The following COL3A1 variants were observed in gnomAD, a reference collection of about 807,000 sequenced individuals.
COL3A1 encodes the protein collagen type III alpha 1 chain.
Under a neutral mutation model 200.9 loss-of-function variants are expected in COL3A1, and 46 were observed. That is an observed-to-expected ratio of 0.23 (90% confidence interval 0.18 to 0.29). The LOEUF (loss-of-function observed/expected upper bound fraction) is 0.29. COL3A1 is among the 10% of genes least tolerant of loss of function. COL3A1 has a pLI of 1.00. For synonymous variants in COL3A1, 650 were observed against 628.0 expected, an observed-to-expected ratio of 1.03 and a Z score of -0.52; for missense variants, 1,367 against 1,917.6, an observed-to-expected ratio of 0.71 and a Z score of 5.36.
chr2:188,997,199 C>T lies in COL3A1; in HGVS notation c.1796C>T (p.Pro599Leu). Residue 599 changes from proline (P) to leucine (L), a missense_variant, in exon 25 of 51, where the codon CCT becomes CTT. Coordinates refer to ENST00000304636, the MANE Select transcript of COL3A1 (RefSeq NM_000090.4). ...GGTAAGAATGGAGAACGAGGTGGCC[C>T]TGGAGGACCTGGCCCTCAGGTACGT... is the stretch of plus-strand genomic sequence containing the variant. ...APGKNGERGG[P>L]GGPGPQGPPG... 1 of 1,614,030 alleles carries T rather than the reference C, an allele frequency of 6.2e-7. No individual in the cohort carries two copies. The highest frequency in any genetic ancestry group is 8.5e-7 in the Non-Finnish European group (1 of 1,180,000).
intron 16 of COL3A1, among the ~76,000 whole-genome samples, 165 bp from the exon 17 acceptor site, chr2:188,993,873 G>A (rs889993395): frequency 6.6e-6 from 1 of 152,178 alleles, no homozygotes; most frequent in Non-Finnish European, 1.5e-5. Flanking sequence ...AGATAATGAT[G>A]ATTCTTTTGA....
intron 16 of COL3A1, among the ~76,000 whole-genome samples, chr2:188,993,699 T>C (rs1688235993): frequency 6.6e-6 from 1 of 152,200 alleles, no homozygotes; most frequent in Non-Finnish European, 1.5e-5. Context: ...TTTTTATGTT[T>C]ATATAAAAGA....
chr2:189,010,257 A>G lies in COL3A1; in HGVS notation c.3903A>G (p.Thr1301=), dbSNP rs1688691551. 1 of 1,614,200 alleles carries G rather than the reference A, an allele frequency of 6.2e-7. No individual in the cohort carries two copies. Among genetic ancestry groups the G allele is most frequent in the Non-Finnish European group, 8.5e-7 (1 of 1,180,016 alleles). Residue 1301 remains threonine, a synonymous_variant, in exon 49 of 51, where the codon ACA becomes ACG. Transcript: ENST00000304636. ...TCTGTAATATGGAAACTGGGGAAAC[A>G]TGCATAAGTGCCAATCCTTTGAATG... is the stretch of plus-strand genomic sequence containing the variant. ...KVFCNMETGE[T]CISANPLNVP... is the part of the protein sequence containing the mutation.
intron 12 of COL3A1, 56 bp downstream of exon 12, chr2:188,991,587 T>C: frequency 6.2e-7 from 1 of 1,603,562 alleles, no homozygotes; most frequent in East Asian, 2.2e-5. Context: ...CATTGTTACC[T>C]AAAACTGGCT....
intron 1 of COL3A1, among the ~76,000 whole-genome samples, chr2:188,978,879 A>C (rs1036800776): frequency 1.3e-5 from 2 of 151,938 alleles, no homozygotes; most frequent in Non-Finnish European, 1.5e-5. Context: ...CTATTCTTAC[A>C]TAAATCATTT....
intron 26 of COL3A1, 44 bp downstream of exon 26, chr2:188,997,433 G>C: frequency 1.3e-6 from 2 of 1,570,512 alleles, no homozygotes; most frequent in Non-Finnish European, 1.8e-6. Flanking sequence ...TAGGGTGGAG[G>C]TGGGGCAGGA....
At chr2:189,002,253 T>G (rs377425296) in intron 34 of COL3A1, 45 bp from the exon 35 acceptor site, 2 of 1,481,904 alleles carry the variant, frequency 1.3e-6, no homozygotes, top group African/African-American at 1.4e-5. Flanking sequence ...CTAAAGGAGA[T>G]GACGCACACT....
chr2:188,983,531 A>G (rs1368667862), intron 1 of COL3A1, among the ~76,000 whole-genome samples: 1 of 151,922 alleles, frequency 6.6e-6, no homozygotes, highest in African/African-American at 2.4e-5. Flanking sequence ...TGATATAGCA[A>G]CGGGACCTCG....
chr2:189,006,933 T>G lies in COL3A1; in HGVS notation c.3202-4T>G. 1 of 1,613,426 alleles carries G rather than the reference T, an allele frequency of 6.2e-7. No individual in the cohort carries two copies. Among genetic ancestry groups the G allele is most frequent in the Non-Finnish European group, 8.5e-7 (1 of 1,179,670 alleles). ...GTCTTCTCAATTGAATGTTTTCATC[T>G]TAGGGCCCTGCTGGCCCTGCTGGTG... On this transcript the variant is annotated splice_polypyrimidine_tract_variant and splice_region_variant and intron_variant, in intron 43 of 50. Coordinates refer to ENST00000304636, the MANE Select transcript of COL3A1 (RefSeq NM_000090.4).
intron 10 of COL3A1, 116 bp downstream of exon 10, chr2:188,990,476 T>A: frequency 1.1e-6 from 1 of 914,722 alleles, no homozygotes; most frequent in South Asian, 1.5e-5. Context: ...ATTAATTAAT[T>A]TGATATTTTT....
chr2:188,997,892 G>A (rs1688365547), intron 27 of COL3A1, 139 bp downstream of exon 27: 2 of 771,252 alleles, frequency 2.6e-6, no homozygotes, highest in Admixed American at 4.2e-5. Flanking sequence ...AATGTTAATA[G>A]GTAGGCATAT....
rs746087557 is a variant in COL3A1, at chr2:188,985,184, T to C, written c.283-13T>C. On this transcript the variant is annotated splice_polypyrimidine_tract_variant and intron_variant, in intron 2 of 50. Coordinates refer to ENST00000304636, the MANE Select transcript of COL3A1 (RefSeq NM_000090.4). ...CTGTGTCTTGTTTAACTTGTTTCTT[T>C]TCCATTTATTAGCCTACTCGCCCTC... 2 of 1,611,868 alleles carry C rather than the reference T, an allele frequency of 1.2e-6. No individual in the cohort carries two copies. The highest frequency in any genetic ancestry group is 1.7e-6 in the Non-Finnish European group (2 of 1,178,298).
intron 27 of COL3A1, among the ~76,000 whole-genome samples, 194 bp from the exon 28 acceptor site, chr2:188,998,072 G>C (rs1688369302): frequency 6.6e-6 from 1 of 152,212 alleles, no homozygotes; most frequent in Non-Finnish European, 1.5e-5. Context: ...AAAGAACAGA[G>C]AGAGATGAAA....
chr2:189,003,608 A>C, intron 37 of COL3A1, 126 bp from the exon 38 acceptor site: 1 of 1,350,046 alleles, frequency 7.4e-7, no homozygotes, highest in South Asian at 1.2e-5. Flanking sequence ...GTAAATTCCA[A>C]GGGGAAACAC....
At chr2:188,988,408 C>T (rs1188326011) in intron 6 of COL3A1, among the ~76,000 whole-genome samples, 182 bp from the exon 7 acceptor site, 4 of 152,018 alleles carry the variant, frequency 2.6e-5, no homozygotes, top group Non-Finnish European at 5.9e-5. Flanking sequence ...TGATGGATTG[C>T]AATGAATGGA....
intron 41 of COL3A1, 144 bp downstream of exon 41, chr2:189,005,601 T>G: frequency 1.4e-6 from 1 of 733,422 alleles, no homozygotes; most frequent in Non-Finnish European, 2.4e-6. Flanking sequence ...ATTCTTTCAT[T>G]ACAATTTAGG....
At chr2:189,010,523 T>A (rs1688699173) in intron 49 of COL3A1, 125 bp from the exon 50 acceptor site, 1 of 1,494,578 alleles carries the variant, frequency 6.7e-7, no homozygotes, top group Admixed American at 1.7e-5. Context: ...TTTTCACACA[T>A]AAAATACTCG....
chr2:188,983,695 G>A (rs1326378398), intron 1 of COL3A1, among the ~76,000 whole-genome samples: 3 of 151,730 alleles, frequency 2.0e-5, no homozygotes, highest in African/African-American at 7.3e-5. Context: ...AAATATCTTG[G>A]CTTTGAGAAA....
At chr2:188,990,250 A>G (rs1419984622) in intron 9 of COL3A1, 57 bp from the exon 10 acceptor site, 2 of 1,574,992 alleles carry the variant, frequency 1.3e-6, no homozygotes, top group East Asian at 4.5e-5. Context: ...GTGTTTTACT[A>G]CTAGATTGTG....
Sources: allele counts gnomAD v4.1 joint callset (sites outside exome capture counted in the v4.1 genomes callset), GRCh38; gene constraint gnomAD v4.1.1; transcripts MANE v1.5; gene names NCBI Gene and HGNC (gene_info 2026-07-23, HGNC 2026-07-21).